The following STKLD1 variants were observed in gnomAD, a reference collection of about 807,000 sequenced individuals.
STKLD1 encodes serine/threonine kinase-like domain-containing protein STKLD1.
Under a neutral mutation model 80.4 loss-of-function variants are expected in STKLD1, and 79 were observed. The ratio of observed to expected loss-of-function variants is 0.98; its 90% CI spans 0.82 to 1.19. The LOEUF (loss-of-function observed/expected upper bound fraction) is 1.19. STKLD1 is among the 50% of genes most tolerant of loss of function. The pLI is 0.00. For missense variants in STKLD1, 841 were observed against 856.0 expected (o/e 0.98, Z 0.22); for synonymous variants, 393 against 357.6 (o/e 1.10, Z -1.12).
Position 133,389,345 on chromosome 9 carries a change from T to C in STKLD1, c.397-181T>C, listed in dbSNP as rs1838332137. 9.1e-6 allele frequency: 9 copies of C among 985,306 alleles called. No individual in the cohort carries two copies. Among genetic ancestry groups the C allele is most frequent in the Non-Finnish European group, 1.1e-5 (9 of 829,908 alleles). The allele number at this position is 985,306 out of a possible 1,614,324, so 61.0% of individuals were successfully genotyped here. On this transcript the variant is annotated intron_variant, in intron 5 of 17. Coordinates refer to ENST00000371957, the MANE Select transcript of STKLD1 (RefSeq NM_153710.5). The surrounding 1 kb of genome is among the most constrained non-coding windows in gnomAD (Gnocchi z 6.4). ...GTCCTTCTGGCTGCCGCCGCGGCTT[T>C]ACCATCTGGAGAGCCACCACGCTGA...
chr9:133,376,666 C>A, intron 1 of STKLD1, 106 bp downstream of exon 1: 1 of 1,021,842 alleles, frequency 9.8e-7, no homozygotes, highest in Non-Finnish European at 1.4e-6. Flanking sequence ...GGCCCGCGCC[C>A]TGGCCAGTGT....
intron 9 of STKLD1, chr9:133,396,191 G>A (rs782336924): frequency 5.7e-5 from 9 of 158,800 alleles, no homozygotes; most frequent in Non-Finnish European, 1.1e-4. Context: ...CCAGCACTTT[G>A]GGGGGCTGAG....
chr9:133,399,026 G>A (rs28373202), intron 11 of STKLD1, among the ~76,000 whole-genome samples: 17,906 of 151,950 alleles, frequency 0.12, 1,391 homozygotes, highest in African/African-American at 0.22. Flanking sequence ...CTAATTTTTC[G>A]TATTTTTATT....
Position 133,401,726 on chromosome 9 carries a change from T to G in STKLD1, c.1199-12T>G. On this transcript the variant is annotated splice_polypyrimidine_tract_variant and intron_variant, in intron 12 of 17. Transcript: ENST00000371957. ...GGGGCTAACCCCAGGCGTCTTCCTCTGGCTTGAGCAGCGCTGGTGCACCAC... is the reference window on the plus strand; with the variant it reads ...GGGGCTAACCCCAGGCGTCTTCCTCGGGCTTGAGCAGCGCTGGTGCACCAC... 1 of 1,609,714 alleles carries G rather than the reference T, an allele frequency of 6.2e-7. No homozygotes were observed. Among genetic ancestry groups the G allele is most frequent in the South Asian group, 1.1e-5 (1 of 90,676 alleles).
intron 16 of STKLD1, among the ~76,000 whole-genome samples, 182 bp downstream of exon 16, chr9:133,404,230 C>T (rs1838782671): frequency 6.6e-6 from 1 of 152,270 alleles, no homozygotes; most frequent in Admixed American, 6.5e-5. Context: ...TTCACGCACA[C>T]TTGATAAACT....
At chr9:133,381,131 C>CTTT (rs35031853) in intron 2 of STKLD1, among the ~76,000 whole-genome samples, 1,081 of 69,068 alleles carry the variant, frequency 0.016, 39 homozygotes, top group African/African-American at 0.029. Context: ...TACGATGTAA[C>CTTT]TTTTTTTTTT....
intron 11 of STKLD1, 60 bp downstream of exon 11, chr9:133,398,115 G>C: frequency 6.6e-7 from 1 of 1,526,104 alleles, no homozygotes; most frequent in African/African-American, 1.4e-5. Context: ...GCTATGGTCC[G>C]GCCTGTGGGG....
chr9:133,398,142 C>A, intron 11 of STKLD1, 87 bp downstream of exon 11: 1 of 1,312,026 alleles, frequency 7.6e-7, no homozygotes. Flanking sequence ...GGCTGGCCCT[C>A]ACCCCGGGCT....
At chr9:133,396,523 G>A (rs962901499) in intron 9 of STKLD1, among the ~76,000 whole-genome samples, 2 of 152,284 alleles carry the variant, frequency 1.3e-5, no homozygotes, top group South Asian at 4.1e-4. Context: ...GGAGGCTGAG[G>A]TGGGTGGATC....
At chr9:133,395,805 C>T (rs782235269) in intron 9 of STKLD1, 42 bp downstream of exon 9, 37 of 1,593,038 alleles carry the variant, frequency 2.3e-5, no homozygotes, top group Non-Finnish European at 2.7e-5. Flanking sequence ...GTGGATTTAT[C>T]TTTCAACATC....
At chr9:133,382,525 GATGGTGATGATA>G (rs1348602063) in intron 2 of STKLD1, among the ~76,000 whole-genome samples, 2 of 151,568 alleles carry the variant, frequency 1.3e-5, no homozygotes, top group Non-Finnish European at 2.9e-5. Flanking sequence ...TGGTGATGAT[GATGGTGATGATA>G]ATGGTGATGG....
Position 133,385,919 on chromosome 9 carries a change from A to G in STKLD1, c.294+228A>G, listed in dbSNP as rs1255486297. Among the ~76,000 whole-genome samples, 12 of 150,408 alleles carry G rather than the reference A, an allele frequency of 8.0e-5. No individual in the cohort carries two copies. Among genetic ancestry groups the G allele is most frequent in the Non-Finnish European group, 1.6e-4 (11 of 67,656 alleles). On this transcript the variant is annotated intron_variant, in intron 4 of 17. Coordinates refer to ENST00000371957, the MANE Select transcript of STKLD1 (RefSeq NM_153710.5). The surrounding 1 kb of genome is among the most constrained non-coding windows in gnomAD (Gnocchi z 4.9). ...GAGCCCCAAAAACCTCATCGTCAGG[A>G]GAGTTTTTTTTTTTTTTGGACAAAG...
intron 5 of STKLD1, among the ~76,000 whole-genome samples, chr9:133,388,241 T>A (rs188717665): frequency 6.8e-4 from 103 of 152,278 alleles, no homozygotes; most frequent in African/African-American, 2.4e-3. Flanking sequence ...CTTCATTGTG[T>A]CAGTCTTGTT....
chr9:133,396,609 T>A (rs1298146392), intron 9 of STKLD1, among the ~76,000 whole-genome samples: 1 of 151,672 alleles, frequency 6.6e-6, no homozygotes, highest in Non-Finnish European at 1.5e-5. Context: ...GAAAAAAAAT[T>A]AGCTGGGCAT....
chr9:133,404,152 C>T, intron 16 of STKLD1, 104 bp downstream of exon 16: 1 of 1,383,006 alleles, frequency 7.2e-7, no homozygotes, highest in Non-Finnish European at 9.7e-7. Context: ...ACAGAAGCAA[C>T]AAATCAAAAA....
At position 133,385,667 on chromosome 9, in the gene STKLD1, G is replaced by A. The variant is rs2130275169; in HGVS notation, c.270G>A (p.Glu90=). 6.2e-7 allele frequency: 1 copy of A among 1,613,284 alleles called. No homozygotes were observed. Among genetic ancestry groups the A allele is most frequent in the South Asian group, 1.1e-5 (1 of 91,072 alleles). Residue 90 remains glutamate (E), a synonymous_variant, in exon 4 of 18, where the codon GAG becomes GAA. Coordinates refer to ENST00000371957, the MANE Select transcript of STKLD1 (RefSeq NM_153710.5). This position sits in a 1 kb window ranked among gnomAD's most constrained non-coding sequence, Gnocchi z 4.9. ...LRHAHISVYQ[E]LFITWNGEIS... ...ACGCCCACATCTCTGTGTACCAGGA[G>A]CTGTTCATCACGTGGAATGGGGAGG...
chr9:133,383,989 A>T, intron 3 of STKLD1, 89 bp downstream of exon 3: 4 of 1,301,364 alleles, frequency 3.1e-6, no homozygotes, highest in Non-Finnish European at 4.4e-6. Context: ...TGCCTGGATG[A>T]AGAGAAGGCT....
At position 133,403,723 on chromosome 9, in the gene STKLD1, T is replaced by C. The variant is rs782727762; in HGVS notation, c.1498T>C (p.Leu500=). ...LDGIIVNKAP[L]EKVPDLISQV... Reference sequence around the variant, plus strand: ...AGGTATCATTGTGAACAAGGCCCCCTTGGAGAAGGTCCCGGACCTCATCAG... The same window carrying C: ...AGGTATCATTGTGAACAAGGCCCCCCTGGAGAAGGTCCCGGACCTCATCAG... Residue 500 remains leucine (L), a synonymous_variant, in exon 15 of 18, where the codon TTG becomes CTG. Transcript: ENST00000371957. The C allele has an allele frequency of 6.2e-7, 1 of 1,613,704 alleles. No individual in the cohort carries two copies. The highest frequency in any genetic ancestry group is 8.5e-7 in the Non-Finnish European group (1 of 1,179,880).
chr9:133,391,428 G>C (rs1468375291), intron 7 of STKLD1, among the ~76,000 whole-genome samples: 1 of 151,510 alleles, frequency 6.6e-6, no homozygotes, highest in East Asian at 1.9e-4. Flanking sequence ...AGAAAAGGGG[G>C]AAAGGTGGGG....
Sources: allele counts gnomAD v4.1 joint callset (sites outside exome capture counted in the v4.1 genomes callset), GRCh38; gene constraint gnomAD v4.1.1; non-coding constraint Gnocchi (gnomAD v3.1); transcripts MANE v1.5; gene names NCBI Gene and HGNC (gene_info 2026-07-23, HGNC 2026-07-21).